Variants in RAB15 observed in about 807,000 individuals in gnomAD.
RAB15 encodes the protein RAB15, member RAS oncogene family.
In RAB15, 13 loss-of-function variants were observed where a neutral mutation model predicts 31.8. The observed-to-expected ratio is 0.41, with a 90% CI of 0.27 to 0.65. RAB15 has a LOEUF of 0.65. Ranked by LOEUF, RAB15 falls within the 30% of genes least tolerant of loss-of-function variation. The pLI is 0.32. For synonymous variants in RAB15, 100 were observed against 105.6 expected, an observed-to-expected ratio of 0.95 and a Z score of 0.33; for missense variants, 220 against 277.3, an observed-to-expected ratio of 0.79 and a Z score of 1.47.
rs956489259 is a variant in RAB15 at position 64,952,284 on chromosome 14, C to A, written c.185+227G>T. On this transcript the variant is annotated intron_variant, in intron 2 of 6. Transcript: ENST00000533601. This position sits in a 1 kb window ranked among gnomAD's most constrained non-coding sequence, Gnocchi z 4.2. ...ACAATGGTTAGTGTGCCAGTTCCTT[C>A]TAATTCCTGCCCTTTGGTGCTTGTA... Among the ~76,000 whole-genome samples, 1 of 152,220 alleles carries A rather than the reference C, an allele frequency of 6.6e-6. No homozygotes were observed. Among genetic ancestry groups the A allele is most frequent in the Non-Finnish European group, 1.5e-5 (1 of 68,048 alleles).
Position 64,953,982 on chromosome 14 carries a change from T to G in RAB15, c.125-1411A>C. ...GTTATTTGCCAAATGGGAGACATCTTCCCTTATCTGTGCTGTCCCCAGCTT... is the reference window on the plus strand; with the variant it reads ...GTTATTTGCCAAATGGGAGACATCTGCCCTTATCTGTGCTGTCCCCAGCTT... On this transcript the variant is annotated intron_variant, in intron 1 of 6. Coordinates refer to ENST00000533601, the MANE Select transcript of RAB15 (RefSeq NM_001308154.2). This position sits in a 1 kb window ranked among gnomAD's most constrained non-coding sequence, Gnocchi z 4.6. The G allele has an allele frequency of 1.0e-6, 1 of 985,408 alleles. No individual in the cohort carries two copies. Among genetic ancestry groups the G allele is most frequent in the South Asian group, 4.7e-5 (1 of 21,284 alleles). The allele number at this position is 985,408 out of a possible 1,614,324, so 61.0% of individuals were successfully genotyped here.
intron 1 of RAB15, among the ~76,000 whole-genome samples, chr14:64,969,849 AG>A (rs974687112): frequency 5.9e-5 from 9 of 152,170 alleles, no homozygotes; most frequent in African/African-American, 1.9e-4. Context: ...GGAGATTACA[AG>A]GGGAAGGGAC....
At position 64,954,405 on chromosome 14, in the gene RAB15, A is replaced by C. The variant is rs1352122173; in HGVS notation, c.125-1834T>G. 2 of 985,314 alleles carry C rather than the reference A, an allele frequency of 2.0e-6. No individual in the cohort carries two copies. The highest frequency in any genetic ancestry group is 2.3e-4 in the East Asian group (2 of 8,828). The allele number at this position is 985,314 out of a possible 1,614,324, so 61.0% of individuals were successfully genotyped here. ...TTTCATGATACAGCACCTTCTTCCA[A>C]GAAGAACGAGAAATTTTCTCCAATT... On this transcript the variant is annotated intron_variant, in intron 1 of 6. Coordinates refer to ENST00000533601, the MANE Select transcript of RAB15 (RefSeq NM_001308154.2). The surrounding 1 kb of genome is among the most constrained non-coding windows in gnomAD (Gnocchi z 4.3).
rs1594943864 is a variant in RAB15, at chr14:64,958,511, A to T, written c.125-5940T>A. Among the ~76,000 whole-genome samples, 3 of 152,202 alleles carry T rather than the reference A, an allele frequency of 2.0e-5. No individual in the cohort carries two copies. Among genetic ancestry groups the T allele is most frequent in the East Asian group, 3.9e-4 (2 of 5,180 alleles). ...GAGCAATACATTTCTCTTGCTTTAA[A>T]TTACTCAGCTAAAGGCATTTTGTTA... On this transcript the variant is annotated intron_variant, in intron 1 of 6. Coordinates refer to ENST00000533601, the MANE Select transcript of RAB15 (RefSeq NM_001308154.2). This position sits in a 1 kb window ranked among gnomAD's most constrained non-coding sequence, Gnocchi z 4.4.
chr14:64,952,095 A>G lies in RAB15; in HGVS notation c.185+416T>C, dbSNP rs887829619. ...GCAGTGCTTCCAAGACCTCAGGCAG[A>G]GAGCCACAGCAGCACCCTCTGCTAC... On this transcript the variant is annotated intron_variant, in intron 2 of 6. Transcript: ENST00000533601. The surrounding 1 kb of genome is among the most constrained non-coding windows in gnomAD (Gnocchi z 4.2). Among the ~76,000 whole-genome samples the G allele has an allele frequency of 6.6e-6, 1 of 152,212 alleles. No homozygotes were observed. The highest frequency in any genetic ancestry group is 1.5e-5 in the Non-Finnish European group (1 of 68,030).
intron 1 of RAB15, chr14:64,957,971 T>G (rs1265729527): frequency 6.6e-6 from 1 of 152,122 alleles, no homozygotes; most frequent in Admixed American, 6.6e-5. Context: ...CTTGACGGAG[T>G]CTTCCTCTGT....
At chr14:64,961,739 T>G (rs1886870454) in intron 1 of RAB15, among the ~76,000 whole-genome samples, 1 of 152,028 alleles carries the variant, frequency 6.6e-6, no homozygotes, top group Non-Finnish European at 1.5e-5. Context: ...TGAGACCATG[T>G]CTCTGCAAAA....
chr14:64,950,857 C>T lies in RAB15; in HGVS notation c.324+217G>A. The T allele has an allele frequency of 1.1e-6, 1 of 908,564 alleles. No homozygotes were observed. The highest frequency in any genetic ancestry group is 1.6e-5 in the South Asian group (1 of 62,384). 56.3% of individuals were successfully genotyped at this position (908,564 alleles called of 1,614,324 possible). A position where few individuals can be genotyped will look rare whatever the true frequency, so the allele number is the denominator to read the frequency against. On this transcript the variant is annotated intron_variant, in intron 4 of 6. Coordinates refer to ENST00000533601, the MANE Select transcript of RAB15 (RefSeq NM_001308154.2). The surrounding 1 kb of genome is among the most constrained non-coding windows in gnomAD (Gnocchi z 5.6). ...GGGAAGACTTGGAACTAATTCATTT[C>T]CGGGAAAGACACAGCCGTGGAGGCC... is the stretch of plus-strand genomic sequence containing the variant.
At chr14:64,957,237 G>A (rs982520792) in intron 1 of RAB15, among the ~76,000 whole-genome samples, 5 of 152,054 alleles carry the variant, frequency 3.3e-5, no homozygotes, top group Non-Finnish European at 5.9e-5. Context: ...GCACCAGGCC[G>A]ATTTTCTTAA....
In RAB15 at chr14:64,958,271, G is replaced by A. The variant is rs1886685202; in HGVS notation, c.125-5700C>T. On this transcript the variant is annotated intron_variant, in intron 1 of 6. Transcript: ENST00000533601. This position sits in a 1 kb window ranked among gnomAD's most constrained non-coding sequence, Gnocchi z 4.4. ...TTAATCCCCAGTGCAGTGCTGGTGG[G>A]AGGTGAGGGCTTTGGGAGGTGACTC... 1 of 152,342 alleles carries A rather than the reference G, an allele frequency of 6.6e-6. No homozygotes were observed. Among genetic ancestry groups the A allele is most frequent in the Non-Finnish European group, 1.5e-5 (1 of 68,148 alleles). The allele number at this position is 152,342 out of a possible 1,614,324, so 9.4% of individuals were successfully genotyped here.
At position 64,958,561 on chromosome 14, in the gene RAB15, C is replaced by T. The variant is rs1886697842; in HGVS notation, c.125-5990G>A. Among the ~76,000 whole-genome samples, 2 of 152,210 alleles carry T rather than the reference C, an allele frequency of 1.3e-5. No individual in the cohort carries two copies. Among genetic ancestry groups the T allele is most frequent in the African/African-American group, 2.4e-5 (1 of 41,454 alleles). On this transcript the variant is annotated intron_variant, in intron 1 of 6. Transcript: ENST00000533601. This position sits in a 1 kb window ranked among gnomAD's most constrained non-coding sequence, Gnocchi z 4.4. Reference sequence around the variant, plus strand: ...ACAGCAGCCAGCCCTAACTAAGACACCCACCATAGCCTATTTTCTCCTTCC... The same window carrying T: ...ACAGCAGCCAGCCCTAACTAAGACATCCACCATAGCCTATTTTCTCCTTCC...
rs1341061944 is a variant in RAB15 at position 64,948,632 on chromosome 14, C to T, written c.480+36G>A. On this transcript the variant is annotated intron_variant, in intron 6 of 6. Coordinates refer to ENST00000533601, the MANE Select transcript of RAB15 (RefSeq NM_001308154.2). This position sits in a 1 kb window ranked among gnomAD's most constrained non-coding sequence, Gnocchi z 7.0. ...TCCTCCCACCTCTGCTGGACTCAGC[C>T]CGAGAGAGCGGGCGCCTGGTCACCA... 3.1e-6 allele frequency: 5 copies of T among 1,613,456 alleles called. No individual in the cohort carries two copies. The highest frequency in any genetic ancestry group is 4.2e-6 in the Non-Finnish European group (5 of 1,179,600).
At chr14:64,964,542 A>G (rs900197061) in intron 1 of RAB15, among the ~76,000 whole-genome samples, 2 of 151,716 alleles carry the variant, frequency 1.3e-5, no homozygotes, top group Non-Finnish European at 2.9e-5. Flanking sequence ...AAAAAAAGAA[A>G]AAAGAAAGAA....
At chr14:64,957,082 G>C (rs1375140575) in intron 1 of RAB15, among the ~76,000 whole-genome samples, 1 of 151,350 alleles carries the variant, frequency 6.6e-6, no homozygotes, top group Non-Finnish European at 1.5e-5. Context: ...GACTGCAAGT[G>C]TGCACCACCA....
chr14:64,951,714 G>T lies in RAB15; in HGVS notation c.186-51C>A. 6.6e-7 allele frequency: 1 copy of T among 1,513,126 alleles called. No homozygotes were observed. Among genetic ancestry groups the T allele is most frequent in the Non-Finnish European group, 9.2e-7 (1 of 1,087,776 alleles). 93.7% of individuals were successfully genotyped at this position (1,513,126 alleles called of 1,614,324 possible). A position where few individuals can be genotyped will look rare whatever the true frequency, so the allele number is the denominator to read the frequency against. Reference sequence around the variant, plus strand: ...AGGAGCAGGGACCATGGGAACAGACGGGGAGGGGAAGAGCAGAGCTGTCCC... The same window carrying T: ...AGGAGCAGGGACCATGGGAACAGACTGGGAGGGGAAGAGCAGAGCTGTCCC... On this transcript the variant is annotated intron_variant, in intron 2 of 6. Coordinates refer to ENST00000533601, the MANE Select transcript of RAB15 (RefSeq NM_001308154.2). This position sits in a 1 kb window ranked among gnomAD's most constrained non-coding sequence, Gnocchi z 7.2.
chr14:64,966,269 C>T (rs897687963), intron 1 of RAB15, among the ~76,000 whole-genome samples: 8 of 152,316 alleles, frequency 5.3e-5, no homozygotes, highest in South Asian at 2.1e-4. Flanking sequence ...CAGCAAATAG[C>T]GCCTGAACGA....
In RAB15 at chr14:64,947,661, C is replaced by T. The variant is rs2296325; in HGVS notation, c.*693G>A. ...CCAGGCTCGAGGACTCCCTGGTTGCCGTTTCCCTCCTACCTCGATGCTCCA... is the reference window on the plus strand; with the variant it reads ...CCAGGCTCGAGGACTCCCTGGTTGCTGTTTCCCTCCTACCTCGATGCTCCA... On this transcript the variant is annotated 3_prime_UTR_variant, in exon 7 of 7. Transcript: ENST00000533601. This position sits in a 1 kb window ranked among gnomAD's most constrained non-coding sequence, Gnocchi z 5.6. 36,091 of 152,478 alleles carry T rather than the reference C, an allele frequency of 0.24. 5,031 individuals are homozygous for T. Among genetic ancestry groups the T allele is most frequent in the East Asian group, 0.62 (3,176 of 5,110 alleles). The allele number at this position is 152,478 out of a possible 1,614,324, so 9.4% of individuals were successfully genotyped here. A position where few individuals can be genotyped will look rare whatever the true frequency, so the allele number is the denominator to read the frequency against.
At chr14:64,956,101 T>A (rs909694402) in intron 1 of RAB15, among the ~76,000 whole-genome samples, 2 of 152,092 alleles carry the variant, frequency 1.3e-5, no homozygotes, top group Non-Finnish European at 2.9e-5. Context: ...CACCTGGGAC[T>A]TGTTAGAAAT....
rs562661925 is a variant in RAB15, at chr14:64,966,531, A to T, written c.124+5422T>A. Reference sequence around the variant, plus strand: ...GAGAGATACTCGGTCTCAAAAAAAAATAAATAAATAAATAAATAAAATAAT... The same window carrying T: ...GAGAGATACTCGGTCTCAAAAAAAATTAAATAAATAAATAAATAAAATAAT... On this transcript the variant is annotated intron_variant, in intron 1 of 6. Transcript: ENST00000533601. Among the ~76,000 whole-genome samples the T allele has an allele frequency of 4.0e-5, 6 of 150,396 alleles. No homozygotes were observed. The South Asian group carries it at 1.2e-3, about 31-fold the overall frequency.
Sources: allele counts gnomAD v4.1 joint callset (sites outside exome capture counted in the v4.1 genomes callset), GRCh38; gene constraint gnomAD v4.1.1; non-coding constraint Gnocchi (gnomAD v3.1); transcripts MANE v1.5; gene names NCBI Gene and HGNC (gene_info 2026-07-23, HGNC 2026-07-21).